The following UTRN variants were observed in gnomAD, a reference collection of about 807,000 sequenced individuals.
UTRN encodes the protein dystrophin-related protein 1.
UTRN carries 283 observed loss-of-function variants against 463.9 expected under a neutral mutation model. That is an observed-to-expected ratio of 0.61 (90% CI 0.55 to 0.67). The LOEUF (loss-of-function observed/expected upper bound fraction) is 0.67. Ranked by LOEUF, UTRN falls within the 30% of genes least tolerant of loss-of-function variation. The pLI is 0.00. For synonymous variants in UTRN, 1,442 were observed against 1,431.5 expected, an observed-to-expected ratio of 1.01 and a Z score of -0.17; for missense variants, 3,922 against 4,084.3, an observed-to-expected ratio of 0.96 and a Z score of 1.08.
At chr6:144,642,106 T>C (rs139157648) in intron 51 of UTRN, among the ~76,000 whole-genome samples, 1 of 152,314 alleles carries the variant, frequency 6.6e-6, no homozygotes, top group African/African-American at 2.4e-5. Flanking sequence ...CTGGCCAATT[T>C]TGACCCAGTT....
intron 53 of UTRN, among the ~76,000 whole-genome samples, chr6:144,725,829 T>G (rs1787815988): frequency 6.6e-6 from 1 of 152,206 alleles, no homozygotes; most frequent in African/African-American, 2.4e-5. Context: ...AAACAGGATA[T>G]GAATGGAAAT....
chr6:144,820,499 C>T (rs934000894), intron 65 of UTRN, among the ~76,000 whole-genome samples: 1 of 127,180 alleles, frequency 7.9e-6, no homozygotes, highest in African/African-American at 3.3e-5. Flanking sequence ...GTTAAAACCA[C>T]AATACTCTGT....
At chr6:144,348,971 G>T (rs1777852714) in intron 2 of UTRN, among the ~76,000 whole-genome samples, 1 of 151,754 alleles carries the variant, frequency 6.6e-6, no homozygotes, top group Admixed American at 6.6e-5. Flanking sequence ...AATCTTGGGT[G>T]GAGAAAATGA....
At chr6:144,612,375 C>T (rs1805616455) in intron 51 of UTRN, among the ~76,000 whole-genome samples, 1 of 151,930 alleles carries the variant, frequency 6.6e-6, no homozygotes, top group South Asian at 2.1e-4. Flanking sequence ...TTGAATCAAA[C>T]TAAAAAGCTT....
chr6:144,301,083 T>A (rs1459400133), intron 2 of UTRN, among the ~76,000 whole-genome samples: 1 of 152,132 alleles, frequency 6.6e-6, no homozygotes, highest in Non-Finnish European at 1.5e-5. Context: ...TAAATAAAAC[T>A]GTGTGTGTTC....
chr6:144,555,390 C>T lies in UTRN; in HGVS notation c.7134+497C>T, dbSNP rs149620742. Among the ~76,000 whole-genome samples, 828 of 152,262 alleles carry T rather than the reference C, an allele frequency of 5.4e-3. 6 individuals are homozygous for T. The highest frequency in any genetic ancestry group is 0.01 in the Middle Eastern group (3 of 294). On this transcript the variant is annotated intron_variant, in intron 49 of 74. Coordinates refer to ENST00000367545, the MANE Select transcript of UTRN (RefSeq NM_007124.3). ...AAAGGGGAAGCAGGCACCTTCTTTA[C>T]AAGGCAGCAAGACAGAGAGAGATAG...
chr6:144,581,488 C>G (rs1335822865), intron 51 of UTRN, among the ~76,000 whole-genome samples: 1 of 152,118 alleles, frequency 6.6e-6, no homozygotes, highest in African/African-American at 2.4e-5. Context: ...ACACTTTTAT[C>G]TCCTATGTTT....
intron 34 of UTRN, among the ~76,000 whole-genome samples, chr6:144,501,856 G>A (rs188080536): frequency 3.7e-4 from 57 of 152,154 alleles, no homozygotes; most frequent in Admixed American, 7.9e-4. Flanking sequence ...TACCACATGC[G>A]AATGAGAATT....
intron 52 of UTRN, among the ~76,000 whole-genome samples, chr6:144,698,616 G>A (rs1407706720): frequency 6.6e-6 from 1 of 152,200 alleles, no homozygotes; most frequent in African/African-American, 2.4e-5. Context: ...AGCCCAGTTC[G>A]ATTCCTTGAG....
At chr6:144,712,617 G>C (rs1785851921) in intron 53 of UTRN, among the ~76,000 whole-genome samples, 1 of 152,186 alleles carries the variant, frequency 6.6e-6, no homozygotes. Context: ...TAGGTGCCAA[G>C]CATGCATGAG....
intron 51 of UTRN, among the ~76,000 whole-genome samples, chr6:144,582,119 G>C (rs1221236171): frequency 1.3e-5 from 2 of 152,142 alleles, no homozygotes; most frequent in African/African-American, 4.8e-5. Flanking sequence ...AGCACTGCTT[G>C]ATAAACACCG....
chr6:144,434,824 A>G (rs760490138), intron 9 of UTRN, among the ~76,000 whole-genome samples: 2 of 152,216 alleles, frequency 1.3e-5, no homozygotes, highest in African/African-American at 2.4e-5. Flanking sequence ...TGAAAGCTCA[A>G]GTTGCTCAGC....
intron 65 of UTRN, among the ~76,000 whole-genome samples, chr6:144,818,282 T>C (rs1779258800): frequency 6.6e-6 from 1 of 152,244 alleles, no homozygotes; most frequent in Non-Finnish European, 1.5e-5. Context: ...CGAAGGGTCA[T>C]GGGTACAGAG....
At chr6:144,847,232 T>C (rs986638611) in intron 74 of UTRN, among the ~76,000 whole-genome samples, 2 of 152,214 alleles carry the variant, frequency 1.3e-5, no homozygotes, top group African/African-American at 4.8e-5. Flanking sequence ...TTCAATTTTT[T>C]ACTTAAAAAT....
chr6:144,440,776 A>G (rs1787074769), intron 13 of UTRN, among the ~76,000 whole-genome samples: 1 of 152,190 alleles, frequency 6.6e-6, no homozygotes, highest in African/African-American at 2.4e-5. Context: ...GCTGATAAAG[A>G]CATACCTGAG....
intron 2 of UTRN, among the ~76,000 whole-genome samples, chr6:144,314,227 T>A (rs1025475585): frequency 3.3e-5 from 5 of 151,738 alleles, no homozygotes; most frequent in Admixed American, 6.6e-5. Context: ...AAAAAAAAAA[T>A]GACTACACAA....
chr6:144,766,787 G>GT (rs1793402782), intron 58 of UTRN, among the ~76,000 whole-genome samples: 1 of 150,880 alleles, frequency 6.6e-6, no homozygotes, highest in Non-Finnish European at 1.5e-5. Flanking sequence ...TTGAGGTAGG[G>GT]GTGTGTGTGT....
At chr6:144,385,012 GT>G (rs541301350) in intron 2 of UTRN, among the ~76,000 whole-genome samples, 196 of 152,230 alleles carry the variant, frequency 1.3e-3, no homozygotes, top group Middle Eastern at 3.4e-3. Context: ...AAATGCTAAA[GT>G]TTTGAGGAAA....
intron 19 of UTRN, among the ~76,000 whole-genome samples, chr6:144,455,066 C>T (rs929590056): frequency 6.6e-6 from 1 of 152,022 alleles, no homozygotes; most frequent in Non-Finnish European, 1.5e-5. Context: ...TGTGTATACA[C>T]ACACACACAC....
Sources: gnomAD v4.1 joint callset for allele counts (sites outside exome capture counted in the v4.1 genomes callset) on GRCh38, gnomAD v4.1.1 for gene constraint, MANE v1.5 for transcripts, NCBI Gene and HGNC (gene_info 2026-07-23, HGNC 2026-07-21) for gene names.